The following CARS2 variants were observed in gnomAD, a reference collection of about 807,000 sequenced individuals.
CARS2 encodes the protein cysteinyl-tRNA synthetase 2, mitochondrial.
CARS2 carries 52 observed loss-of-function variants against 68.8 expected under a neutral mutation model. The ratio of observed to expected loss-of-function variants is 0.76; its 90% CI spans 0.61 to 0.95. The LOEUF is 0.95. Ranked by LOEUF, CARS2 falls within the 40% of genes least tolerant of loss-of-function variation. The probability of loss-of-function intolerance (pLI) is 0.00; values close to 1 mark genes in which losing one functional copy is unlikely to be tolerated. For synonymous variants in CARS2, 314 were observed against 303.6 expected, an observed-to-expected ratio of 1.03 and a Z score of -0.36; for missense variants, 780 against 754.2, an observed-to-expected ratio of 1.03 and a Z score of -0.40.
At chr13:110,654,212 G>C (rs1231081180) in intron 9 of CARS2, among the ~76,000 whole-genome samples, 1 of 152,228 alleles carries the variant, frequency 6.6e-6, no homozygotes, top group Non-Finnish European at 1.5e-5. Flanking sequence ...GCAGGCACCA[G>C]AGCCTCTCTA....
chr13:110,641,688 C>T, intron 14 of CARS2, 80 bp from the exon 15 acceptor site: 1 of 1,165,056 alleles, frequency 8.6e-7, no homozygotes, highest in Non-Finnish European at 1.3e-6. Context: ...TAATCAGGTT[C>T]AGGGTGCCTG....
At chr13:110,707,731 C>T (rs373740909), upstream of CARS2, 2 of 151,744 alleles carry the variant, frequency 1.3e-5, no homozygotes, top group East Asian at 3.9e-4. Context: ...TTCCAGTTCT[C>T]AAAACAGGAG....
At chr13:110,689,657 T>C (rs1417868442) in intron 3 of CARS2, among the ~76,000 whole-genome samples, 1 of 152,210 alleles carries the variant, frequency 6.6e-6, no homozygotes, top group Non-Finnish European at 1.5e-5. Context: ...ACTGTGTATA[T>C]ACGGGCAGGA....
At chr13:110,678,839 A>AG (rs777799250) in intron 6 of CARS2, among the ~76,000 whole-genome samples, 2 of 151,746 alleles carry the variant, frequency 1.3e-5, no homozygotes, top group African/African-American at 4.8e-5. Context: ...AGACGGTGGG[A>AG]GGGGGGAAGA....
chr13:110,691,699 T>C (rs1023996577), intron 3 of CARS2, among the ~76,000 whole-genome samples: 7 of 152,154 alleles, frequency 4.6e-5, no homozygotes, highest in Admixed American at 1.3e-4. Context: ...CAAACTCCCA[T>C]TGATTATCAG....
At chr13:110,687,678 CAAAAAAAAAAAAAGA>C in intron 5 of CARS2, 28 bp downstream of exon 5, 4 of 785,038 alleles carry the variant, frequency 5.1e-6, no homozygotes, top group South Asian at 2.0e-5. Flanking sequence ...AACTCTGTCT[CAAAAAAAAAAAAAGA>C]AAAAAAAAAA....
chr13:110,687,137 G>A (rs891123564), intron 5 of CARS2, among the ~76,000 whole-genome samples: 1 of 152,108 alleles, frequency 6.6e-6, no homozygotes, highest in Non-Finnish European at 1.5e-5. Context: ...ATGAACACCT[G>A]TACACCTACC....
intron 1 of CARS2, chr13:110,712,553 C>A (rs1343524934): frequency 1.0e-5 from 3 of 289,836 alleles, no homozygotes; most frequent in South Asian, 3.1e-5. Context: ...GCGCGCGGGG[C>A]CGGTCGCCTA....
At chr13:110,643,021 G>C (rs1594204544) in intron 13 of CARS2, 1 of 345,494 alleles carries the variant, frequency 2.9e-6, no homozygotes, top group Non-Finnish European at 5.7e-6. Flanking sequence ...GGGGCGGTGT[G>C]GAAGGGGCAG....
rs1380926833 is a variant in CARS2 at position 110,665,385 on chromosome 13, G to A, written c.920-1867C>T. ...TGCTTGAACCCAGGAGGCAGAGGTT[G>A]CGGTGAGCTCAGATAGTGCCACTGC... On this transcript the variant is annotated intron_variant, in intron 8 of 14. Coordinates refer to ENST00000257347, the MANE Select transcript of CARS2 (RefSeq NM_024537.4). The surrounding 1 kb of genome is among the most constrained non-coding windows in gnomAD (Gnocchi z 4.3). 2 of 917,228 alleles carry A rather than the reference G, an allele frequency of 2.2e-6. No homozygotes were observed. Among genetic ancestry groups the A allele is most frequent in the Non-Finnish European group, 2.6e-6 (2 of 767,656 alleles). The allele number at this position is 917,228 out of a possible 1,614,324, so 56.8% of individuals were successfully genotyped here.
At chr13:110,688,120 C>A in intron 3 of CARS2, 102 bp from the exon 4 acceptor site, 1 of 678,848 alleles carries the variant, frequency 1.5e-6, no homozygotes, top group East Asian at 2.9e-5. Flanking sequence ...AGCAAACATA[C>A]CCCGGCCACC....
At chr13:110,708,121 C>G (rs1177914545), upstream of CARS2, among the ~76,000 whole-genome samples, 1 of 151,360 alleles carries the variant, frequency 6.6e-6, no homozygotes, top group Non-Finnish European at 1.5e-5. Context: ...TCACTGTGCC[C>G]TGCACTAAAT....
At chr13:110,642,552 CG>C (rs1887511505) in intron 13 of CARS2, 31 bp from the exon 14 acceptor site, 1 of 1,591,880 alleles carries the variant, frequency 6.3e-7, no homozygotes, top group Non-Finnish European at 8.6e-7. Flanking sequence ...TTACGTCCCC[CG>C]GAGACTGTGG....
chr13:110,644,747 G>T, intron 12 of CARS2: 1 of 440,798 alleles, frequency 2.3e-6, no homozygotes, highest in Non-Finnish European at 4.1e-6. Context: ...CGCGGGTGAA[G>T]CATGACCGTG....
exon 1 of CARS2, chr13:110,713,282 G>T: frequency 1.6e-6 from 2 of 1,283,438 alleles, no homozygotes; most frequent in Non-Finnish European, 2.0e-6. Context: ...TGAGGAGCGA[G>T]TTGCGGTAGT....
At chr13:110,671,149 T>C (rs1481469446) in intron 7 of CARS2, among the ~76,000 whole-genome samples, 1 of 152,088 alleles carries the variant, frequency 6.6e-6, no homozygotes, top group Non-Finnish European at 1.5e-5. Context: ...TTCAGGATAT[T>C]ATCCAGGAGA....
chr13:110,674,965 T>C (rs1207098792), intron 7 of CARS2, among the ~76,000 whole-genome samples: 7 of 152,130 alleles, frequency 4.6e-5, no homozygotes, highest in Non-Finnish European at 8.8e-5. Context: ...AAAATGCTCA[T>C]CATCACTGGC....
At chr13:110,685,122 C>T (rs550903961) in intron 5 of CARS2, among the ~76,000 whole-genome samples, 36 of 152,160 alleles carry the variant, frequency 2.4e-4, no homozygotes, top group Non-Finnish European at 4.3e-4. Context: ...TCAAGTTACA[C>T]GACAGCAAAA....
intron 13 of CARS2, 127 bp from the exon 14 acceptor site, chr13:110,642,648 G>A: frequency 1.1e-6 from 1 of 937,046 alleles, no homozygotes; most frequent in Non-Finnish European, 1.8e-6. Flanking sequence ...CCCTGCAGCT[G>A]GGCCTCTTTC....
Sources: allele counts gnomAD v4.1 joint callset (sites outside exome capture counted in the v4.1 genomes callset), GRCh38; gene constraint gnomAD v4.1.1; non-coding constraint Gnocchi (gnomAD v3.1); transcripts MANE v1.5; gene names NCBI Gene and HGNC (gene_info 2026-07-23, HGNC 2026-07-21).